Variants in PFKP observed in about 807,000 individuals in gnomAD.
PFKP encodes ATP-dependent 6-phosphofructokinase, platelet type.
Under a neutral mutation model 94.3 loss-of-function variants are expected in PFKP, and 101 were observed. That is an observed-to-expected ratio of 1.07 (90% CI 0.91 to 1.26). PFKP has a LOEUF of 1.26. Among genes scored for constraint, PFKP ranks in the 50% most tolerant of loss-of-function variants. The pLI is 0.00. For missense variants in PFKP, 1,145 were observed against 1,103.3 expected, an observed-to-expected ratio of 1.04 and a Z score of -0.53; for synonymous variants, 573 against 432.6, an observed-to-expected ratio of 1.32 and a Z score of -4.03.
intron 1 of PFKP, among the ~76,000 whole-genome samples, chr10:3,081,977 C>CTTTTTTTTTTTTTTTTTTTTTTTTTTTTT (rs547880338): frequency 1.5e-5 from 1 of 68,440 alleles, no homozygotes; most frequent in African/African-American, 6.7e-5. Flanking sequence ...AGCCCATTGC[C>CTTTTTTTTTTTTTTTTTTTTTTTTTTTTT]TTTTTTTTTT....
At chr10:3,073,344 A>C (rs1190370440) in intron 1 of PFKP, among the ~76,000 whole-genome samples, 1 of 151,804 alleles carries the variant, frequency 6.6e-6, no homozygotes, top group African/African-American at 2.4e-5. Flanking sequence ...CAGGAGGAAA[A>C]GAGAATAGGC....
At position 3,136,684 on chromosome 10, in the gene PFKP, C is replaced by G; in HGVS notation, c.*105C>G. ...ATGCACGTATTATTGACATTAATAC[C>G]TAATCGGCGAGTGCCCATCTGCCCC... is the stretch of plus-strand genomic sequence containing the variant. On this transcript the variant is annotated 3_prime_UTR_variant, in exon 22 of 22. Coordinates refer to ENST00000381125, the MANE Select transcript of PFKP (RefSeq NM_002627.5). The G allele has an allele frequency of 3.9e-6, 5 of 1,270,570 alleles. No homozygotes were observed. Among genetic ancestry groups the G allele is most frequent in the Non-Finnish European group, 5.5e-6 (5 of 913,092 alleles). The allele number at this position is 1,270,570 out of a possible 1,614,324, so 78.7% of individuals were successfully genotyped here. A position where few individuals can be genotyped will look rare whatever the true frequency, so the allele number is the denominator to read the frequency against.
chr10:3,104,730 G>A (rs756732461), intron 5 of PFKP: 17 of 303,476 alleles, frequency 5.6e-5, no homozygotes, highest in Admixed American at 1.0e-4. Context: ...ACTTGTTTCC[G>A]TGGGAGAGAT....
At chr10:3,125,654 G>T (rs1837870555) in intron 16 of PFKP, among the ~76,000 whole-genome samples, 1 of 152,222 alleles carries the variant, frequency 6.6e-6, no homozygotes, top group African/African-American at 2.4e-5. Context: ...GGGGGCCGCT[G>T]CCTGGAAAAC....
intron 18 of PFKP, 86 bp downstream of exon 18, chr10:3,132,527 G>GGGC: frequency 1.0e-6 from 1 of 962,662 alleles, no homozygotes; most frequent in Non-Finnish European, 1.7e-6. Flanking sequence ...GGCTGGATGA[G>GGGC]TGGTCATTTC....
At chr10:3,084,193 G>A (rs1242148216) in intron 2 of PFKP, among the ~76,000 whole-genome samples, 1 of 152,234 alleles carries the variant, frequency 6.6e-6, no homozygotes, top group Non-Finnish European at 1.5e-5. Flanking sequence ...GGCTTGGGAT[G>A]CCTCTTGCCT....
At chr10:3,136,101 T>G (rs1839269138) in intron 21 of PFKP, among the ~76,000 whole-genome samples, 1 of 152,050 alleles carries the variant, frequency 6.6e-6, no homozygotes, top group Non-Finnish European at 1.5e-5. Flanking sequence ...CCATCTCTAC[T>G]AAAAATACAA....
intron 1 of PFKP, among the ~76,000 whole-genome samples, chr10:3,073,422 A>G (rs368641585): frequency 3.3e-5 from 5 of 152,004 alleles, no homozygotes; most frequent in African/African-American, 1.2e-4. Context: ...GTGCCCAGAG[A>G]TGCCTAGGGG....
At chr10:3,090,101 C>G (rs1036359575) in intron 2 of PFKP, among the ~76,000 whole-genome samples, 98 of 152,252 alleles carry the variant, frequency 6.4e-4, no homozygotes, top group Middle Eastern at 3.4e-3. Context: ...GAATAATATT[C>G]CATTGTGTAT....
In PFKP at chr10:3,133,342, C is replaced by A. The variant is rs781145311; in HGVS notation, c.2022+28C>A. On this transcript the variant is annotated intron_variant, in intron 19 of 21. Coordinates refer to ENST00000381125, the MANE Select transcript of PFKP (RefSeq NM_002627.5). ...AGGCCCGAGACTGCATGAGGGGCCA[C>A]AAAGCCCCTGTCATGTGACTTTTAA... 3.8e-5 allele frequency: 52 copies of A among 1,374,946 alleles called. No individual in the cohort carries two copies. In the East Asian group the frequency reaches 1.1e-3, roughly 30 times the overall value. 85.2% of individuals were successfully genotyped at this position (1,374,946 alleles called of 1,614,324 possible).
intron 8 of PFKP, chr10:3,107,877 G>A (rs1250078644): frequency 2.1e-5 from 27 of 1,288,948 alleles, no homozygotes; most frequent in Non-Finnish European, 2.7e-5. Context: ...ACCATGGGCT[G>A]TGCCCCTGCT....
At chr10:3,093,865 C>G (rs191006298) in intron 2 of PFKP, among the ~76,000 whole-genome samples, 3,554 of 152,148 alleles carry the variant, frequency 0.023, 62 homozygotes, top group Non-Finnish European at 0.024. Flanking sequence ...GGATGGTCTC[C>G]ATCTCCTGAC....
intron 15 of PFKP, 34 bp from the exon 16 acceptor site, chr10:3,119,858 C>G (rs368731503): frequency 8.7e-6 from 14 of 1,611,370 alleles, no homozygotes; most frequent in African/African-American, 4.0e-5. Flanking sequence ...CCCAGCTTCC[C>G]TCTCGCCCCA....
intron 1 of PFKP, among the ~76,000 whole-genome samples, chr10:3,071,594 A>C (rs1241102897): frequency 6.6e-6 from 1 of 152,088 alleles, no homozygotes; most frequent in Non-Finnish European, 1.5e-5. Flanking sequence ...GCCACAGAAC[A>C]CTGTGCCACA....
intron 15 of PFKP, 118 bp from the exon 16 acceptor site, chr10:3,119,774 G>C: frequency 2.0e-6 from 1 of 506,168 alleles, no homozygotes; most frequent in African/African-American, 3.3e-5. Flanking sequence ...GTGTTTTCGT[G>C]ATGCCCCAGT....
At position 3,083,624 on chromosome 10, in the gene PFKP, C is replaced by A. The variant is rs181461793; in HGVS notation, c.186+1163C>A. 6.9e-3 allele frequency among the ~76,000 whole-genome samples: 995 copies of A among 144,526 alleles called. 4 individuals are homozygous for A. Among genetic ancestry groups the A allele is most frequent in the Middle Eastern group, 0.018 (5 of 272 alleles). 94.8% of individuals were successfully genotyped at this position (144,526 alleles called of 152,430 possible). ...ATGACTTTTCACTACGTAGGTTTCA[C>A]GACTGTTGCTTTAACTTATTTTATT... On this transcript the variant is annotated intron_variant, in intron 2 of 21. Coordinates refer to ENST00000381125, the MANE Select transcript of PFKP (RefSeq NM_002627.5).
intron 4 of PFKP, among the ~76,000 whole-genome samples, chr10:3,101,971 GC>G (rs949659894): frequency 6.6e-6 from 1 of 150,794 alleles, no homozygotes; most frequent in African/African-American, 2.4e-5. Context: ...CTGAAGTTGG[GC>G]CGGGCGCGGT....
At chr10:3,091,643 C>T (rs188490936) in intron 2 of PFKP, among the ~76,000 whole-genome samples, 19 of 152,208 alleles carry the variant, frequency 1.2e-4, no homozygotes, top group African/African-American at 4.3e-4. Context: ...GACGAAACTC[C>T]GTCTCTACTA....
chr10:3,118,913 G>A (rs775434898), intron 15 of PFKP, 44 bp downstream of exon 15: 25 of 1,459,260 alleles, frequency 1.7e-5, no homozygotes, highest in South Asian at 1.3e-4. Context: ...GGTGTGAGCC[G>A]CGCCCTGTGT....
Sources: gnomAD v4.1 joint callset for allele counts (sites outside exome capture counted in the v4.1 genomes callset) on GRCh38, gnomAD v4.1.1 for gene constraint, MANE v1.5 for transcripts, NCBI Gene and HGNC (gene_info 2026-07-23, HGNC 2026-07-21) for gene names.